Variants in DISP1 observed in about 807,000 individuals in gnomAD.
DISP1 encodes the protein dispatched RND transporter family member 1.
Under a neutral mutation model 37.3 loss-of-function variants are expected in DISP1, and 30 were observed. That is an observed-to-expected ratio of 0.80 (90% confidence interval 0.60 to 1.09). The LOEUF is 1.09. Among genes scored for constraint, DISP1 ranks in the 50% least tolerant of loss-of-function variants. The probability of loss-of-function intolerance (pLI) is 0.00; values close to 1 mark genes in which losing one functional copy is unlikely to be tolerated. For missense variants in DISP1, 1,598 were observed against 1,879.5 expected (o/e 0.85, Z 2.77); for synonymous variants, 634 against 690.2 (o/e 0.92, Z 1.28).
chr1:223,003,531 T>A lies in DISP1; in HGVS notation c.2134T>A (p.Cys712Ser), dbSNP rs767417397. The change falls in exon 9 of 9, where the codon TGC (cysteine) becomes AGC (serine). Residue 712 changes from cysteine (C) to serine (S), a missense_variant. Coordinates refer to ENST00000675850, the MANE Select transcript of DISP1 (RefSeq NM_001377229.1). The surrounding 1 kb of genome is among the most constrained non-coding windows in gnomAD (Gnocchi z 4.3). ...AATTTTTTTCGAAAAAGTATTGCCA[T>A]GCATTGTCATTAAGTTTCGCTACCT... ...SRIFFEKVLPCIVIKFRYLWL... is the reference protein window; with the variant it reads ...SRIFFEKVLPSIVIKFRYLWL... 1 of 1,614,238 alleles carries A rather than the reference T, an allele frequency of 6.2e-7. No individual in the cohort carries two copies. Among genetic ancestry groups the A allele is most frequent in the Non-Finnish European group, 8.5e-7 (1 of 1,180,048 alleles).
chr1:222,921,567 G>A (rs888190293), intron 1 of DISP1, among the ~76,000 whole-genome samples: 7 of 152,162 alleles, frequency 4.6e-5, no homozygotes, highest in African/African-American at 1.2e-4. Flanking sequence ...TTATTCAGTA[G>A]CAGTTTAGTA....
chr1:222,863,389 G>T (rs779583867), intron 1 of DISP1, among the ~76,000 whole-genome samples: 4 of 152,018 alleles, frequency 2.6e-5, no homozygotes, highest in Admixed American at 6.6e-5. Context: ...GCATAGTGGC[G>T]TGTGCCTGTG....
intron 1 of DISP1, among the ~76,000 whole-genome samples, chr1:222,919,069 G>A (rs1672660792): frequency 6.6e-6 from 1 of 152,244 alleles, no homozygotes; most frequent in Admixed American, 6.5e-5. Context: ...GGTTCCCTCA[G>A]TAGGAGCCAT....
intron 3 of DISP1, among the ~76,000 whole-genome samples, chr1:222,975,219 C>T (rs548529920): frequency 6.6e-6 from 1 of 151,922 alleles, no homozygotes; most frequent in Non-Finnish European, 1.5e-5. Flanking sequence ...GAGATAGGGG[C>T]TCACTATCAC....
intron 1 of DISP1, among the ~76,000 whole-genome samples, chr1:222,898,073 A>G (rs1210873341): frequency 1.3e-5 from 2 of 152,172 alleles, no homozygotes; most frequent in Admixed American, 6.5e-5. Context: ...GAGGAAAAAC[A>G]TACACTTTCT....
At chr1:222,827,861 T>G (rs1428186268) in intron 1 of DISP1, among the ~76,000 whole-genome samples, 1 of 152,146 alleles carries the variant, frequency 6.6e-6, no homozygotes, top group Admixed American at 6.5e-5. Flanking sequence ...TTTTTAATCC[T>G]GAATAAGGAA....
At chr1:222,981,229 C>T (rs1677810867) in intron 3 of DISP1, among the ~76,000 whole-genome samples, 1 of 152,196 alleles carries the variant, frequency 6.6e-6, no homozygotes, top group Non-Finnish European at 1.5e-5. Context: ...CAGACAAATA[C>T]TCACAGGACA....
At chr1:222,982,801 A>C (rs1296763161) in intron 3 of DISP1, among the ~76,000 whole-genome samples, 1 of 152,134 alleles carries the variant, frequency 6.6e-6, no homozygotes, top group Non-Finnish European at 1.5e-5. Flanking sequence ...AATGTTGTAC[A>C]GTGTGAGTAT....
At chr1:222,993,102 G>A (rs1678821720) in intron 7 of DISP1, among the ~76,000 whole-genome samples, 1 of 151,922 alleles carries the variant, frequency 6.6e-6, no homozygotes, top group Middle Eastern at 3.2e-3. Flanking sequence ...CCGAACTTAG[G>A]TGACCATACC....
At chr1:222,829,444 A>ATGTTTTT (rs1182591942) in intron 1 of DISP1, among the ~76,000 whole-genome samples, 2 of 143,112 alleles carry the variant, frequency 1.4e-5, no homozygotes, top group Non-Finnish European at 3.1e-5. Flanking sequence ...TTCTCTTTGA[A>ATGTTTTT]TGTTTTTTTT....
At chr1:222,821,737 G>A (rs1662986083) in intron 1 of DISP1, among the ~76,000 whole-genome samples, 2 of 152,046 alleles carry the variant, frequency 1.3e-5, no homozygotes, top group Non-Finnish European at 2.9e-5. Context: ...ATATTAGCCG[G>A]GTGTGGTGGC....
At chr1:222,937,039 ATATAT>A (rs1433438087) in intron 2 of DISP1, among the ~76,000 whole-genome samples, 19 of 115,344 alleles carry the variant, frequency 1.6e-4, no homozygotes, top group Middle Eastern at 3.9e-3. Context: ...ATATTATATA[ATATAT>A]TATATATAAT....
At chr1:222,839,715 A>ACT (rs1380680920) in intron 1 of DISP1, among the ~76,000 whole-genome samples, 3 of 152,074 alleles carry the variant, frequency 2.0e-5, no homozygotes, top group Non-Finnish European at 4.4e-5. Context: ...CGGGTGGATC[A>ACT]TGAGGTCAAG....
intron 1 of DISP1, among the ~76,000 whole-genome samples, chr1:222,913,316 C>A (rs955648452): frequency 1.3e-5 from 2 of 152,036 alleles, no homozygotes; most frequent in African/African-American, 4.8e-5. Context: ...ATAGATGAGA[C>A]CATTCACTTT....
At chr1:222,999,712 A>C (rs1679306353) in intron 8 of DISP1, among the ~76,000 whole-genome samples, 1 of 152,204 alleles carries the variant, frequency 6.6e-6, no homozygotes, top group South Asian at 2.1e-4. Context: ...GAATAGATCC[A>C]GAACATATGA....
chr1:222,913,155 G>T (rs1271548899), intron 1 of DISP1, among the ~76,000 whole-genome samples: 1 of 152,134 alleles, frequency 6.6e-6, no homozygotes, highest in Non-Finnish European at 1.5e-5. Context: ...TGAGAAGTAT[G>T]GCCTGTACCC....
chr1:222,999,877 A>G (rs908227293), intron 8 of DISP1, among the ~76,000 whole-genome samples: 1 of 152,186 alleles, frequency 6.6e-6, no homozygotes, highest in Non-Finnish European at 1.5e-5. Context: ...GGTTTTCCAA[A>G]GGTTGACCAT....
At chr1:222,867,734 G>C (rs1251249606) in intron 1 of DISP1, among the ~76,000 whole-genome samples, 1 of 152,164 alleles carries the variant, frequency 6.6e-6, no homozygotes, top group Non-Finnish European at 1.5e-5. Context: ...ATGGTTCTCT[G>C]TCAGGTGTAT....
chr1:222,927,243 G>A (rs1190399898), intron 1 of DISP1, among the ~76,000 whole-genome samples: 1 of 151,668 alleles, frequency 6.6e-6, no homozygotes, highest in Non-Finnish European at 1.5e-5. Flanking sequence ...GATGTGAAGT[G>A]GTATCTAATA....
Sources: gnomAD v4.1 joint callset for allele counts (sites outside exome capture counted in the v4.1 genomes callset) on GRCh38, gnomAD v4.1.1 for gene constraint, Gnocchi (gnomAD v3.1) non-coding constraint, MANE v1.5 for transcripts, NCBI Gene and HGNC (gene_info 2026-07-23, HGNC 2026-07-21) for gene names.